Variants in PFKFB3 observed in about 807,000 individuals in gnomAD.
PFKFB3 encodes the protein 6-phosphofructo-2-kinase/fructose-2,6-bisphosphatase 3.
PFKFB3 carries 33 observed loss-of-function variants against 68.0 expected under a neutral mutation model. The observed-to-expected ratio is 0.49, with a 90% CI of 0.37 to 0.65. The LOEUF is 0.65. Ranked by LOEUF, PFKFB3 falls within the 30% of genes least tolerant of loss-of-function variation. The pLI, the probability that PFKFB3 is intolerant of heterozygous loss-of-function variation, is 0.00. For synonymous variants in PFKFB3, 315 were observed against 288.2 expected, an observed-to-expected ratio of 1.09 and a Z score of -0.94; for missense variants, 586 against 712.2, an observed-to-expected ratio of 0.82 and a Z score of 2.02.
chr10:6,300,691 T>G, the PFKFB3 span, among the ~76,000 whole-genome samples: 123,836 of 152,010 alleles, frequency 0.81, 51,432 homozygotes, highest in Non-Finnish European at 0.9. Context: ...CAGAAGCCCT[T>G]GCCTTAGCAA....
intron 14 of PFKFB3, among the ~76,000 whole-genome samples, chr10:6,248,373 C>G (rs979397841): frequency 4.6e-5 from 7 of 151,938 alleles, no homozygotes; most frequent in Non-Finnish European, 1.0e-4. Flanking sequence ...GCCTGTAATC[C>G]CAGCACTTTG....
At chr10:6,213,476 C>T (rs1844361439) in intron 1 of PFKFB3, 147 bp from the exon 2 acceptor site, 4 of 846,870 alleles carry the variant, frequency 4.7e-6, no homozygotes, top group Non-Finnish European at 1.8e-6. Flanking sequence ...TCATGGTGGC[C>T]ACCGTGCTCC....
intron 1 of PFKFB3, among the ~76,000 whole-genome samples, chr10:6,206,347 A>G (rs1256201382): frequency 4.3e-5 from 6 of 137,960 alleles, no homozygotes; most frequent in Non-Finnish European, 9.4e-5. Context: ...TCCCATGTCT[A>G]CTTCTTTCTA....
chr10:6,173,692 C>G (rs557052520), intron 1 of PFKFB3, among the ~76,000 whole-genome samples: 1 of 151,344 alleles, frequency 6.6e-6, no homozygotes, highest in Non-Finnish European at 1.5e-5. Flanking sequence ...TGCAGGAAGG[C>G]TTTTTTTGGG....
chr10:6,273,473 G>A, the PFKFB3 span, among the ~76,000 whole-genome samples: 1 of 152,104 alleles, frequency 6.6e-6, no homozygotes, highest in Non-Finnish European at 1.5e-5. Context: ...CAAACCTTGA[G>A]GGGGCTGTCG....
At chr10:6,158,851 C>T (rs1419025165) in intron 1 of PFKFB3, among the ~76,000 whole-genome samples, 1 of 146,624 alleles carries the variant, frequency 6.8e-6, no homozygotes, top group East Asian at 2.0e-4. Flanking sequence ...GCCTGGGTGA[C>T]AAAGCAAGAC....
intron 14 of PFKFB3, among the ~76,000 whole-genome samples, chr10:6,232,604 C>T (rs900359402): frequency 2.0e-5 from 3 of 152,128 alleles, no homozygotes; most frequent in African/African-American, 4.8e-5. Context: ...TGGTGCCCAG[C>T]GCCGCGCAGC....
chr10:6,158,162 G>A (rs369463829), intron 1 of PFKFB3, among the ~76,000 whole-genome samples: 1,647 of 152,062 alleles, frequency 0.011, 66 homozygotes, highest in East Asian at 0.1. Context: ...GGTGGCGGGC[G>A]CCTGTGGTCC....
Position 6,220,825 on chromosome 10 carries a change from G to T in PFKFB3, c.791G>T (p.Arg264Leu), listed in dbSNP as rs377041246. ...GAGAACGAGCACAACCTCCAGGGCC[G>T]CATCGGGGGCGACTCAGGCCTGTCC... ...HGENEHNLQG[R>L]IGGDSGLSSR... The change falls in exon 8 of 15, where the codon CGC (arginine) becomes CTC (leucine). Residue 264 changes from arginine to leucine, a missense_variant. Coordinates refer to ENST00000379775, the MANE Select transcript of PFKFB3 (RefSeq NM_004566.4). The surrounding 1 kb of genome is among the most constrained non-coding windows in gnomAD (Gnocchi z 4.1). 40 of 1,613,134 alleles carry T rather than the reference G, an allele frequency of 2.5e-5. No individual in the cohort carries two copies. Among genetic ancestry groups the T allele is most frequent in the Non-Finnish European group, 3.3e-5 (39 of 1,180,028 alleles).
chr10:6,255,017 A>G (rs535889657), downstream of PFKFB3, among the ~76,000 whole-genome samples: 1 of 151,376 alleles, frequency 6.6e-6, no homozygotes, highest in African/African-American at 2.4e-5. Flanking sequence ...GGGTTTTACC[A>G]CATTGGCCAG....
intron 1 of PFKFB3, among the ~76,000 whole-genome samples, chr10:6,188,323 A>G (rs1842928802): frequency 6.6e-6 from 1 of 151,638 alleles, no homozygotes; most frequent in Non-Finnish European, 1.5e-5. Flanking sequence ...CTTTACCTTT[A>G]GCAAAATCAA....
chr10:6,213,817 T>A (rs761763499), intron 2 of PFKFB3, 69 bp downstream of exon 2: 71 of 1,560,092 alleles, frequency 4.6e-5, no homozygotes, highest in Admixed American at 3.5e-5. Context: ...AGTTGCTGGT[T>A]TCACAGGCAG....
intron 1 of PFKFB3, among the ~76,000 whole-genome samples, chr10:6,212,699 T>C (rs1019874356): frequency 1.3e-5 from 2 of 152,350 alleles, no homozygotes; most frequent in Non-Finnish European, 2.9e-5. Context: ...AGGGCCTTGC[T>C]ATGTTGCCCA....
intron 14 of PFKFB3, among the ~76,000 whole-genome samples, chr10:6,243,313 C>G (rs1029193035): frequency 6.6e-6 from 1 of 152,192 alleles, no homozygotes; most frequent in Non-Finnish European, 1.5e-5. Flanking sequence ...TTTGTCAGTT[C>G]TGAGATTTGA....
At chr10:6,242,592 AT>A (rs377078975) in intron 14 of PFKFB3, among the ~76,000 whole-genome samples, 60,753 of 146,386 alleles carry the variant, frequency 0.42, 12,738 homozygotes, top group Non-Finnish European at 0.46. Context: ...TTCTGTAAAC[AT>A]TTTTTTTTTT....
chr10:6,225,009 G>C (rs1327720663), intron 13 of PFKFB3, among the ~76,000 whole-genome samples: 1 of 151,968 alleles, frequency 6.6e-6, no homozygotes, highest in Non-Finnish European at 1.5e-5. Context: ...AGGCGCTTCA[G>C]GAGACCTCGA....
the PFKFB3 span, among the ~76,000 whole-genome samples, chr10:6,300,372 G>A: frequency 3.9e-5 from 6 of 152,076 alleles, no homozygotes; most frequent in South Asian, 8.3e-4. Flanking sequence ...ATAAATACTT[G>A]TATTTATTGA....
Position 6,210,391 on chromosome 10 carries a change from C to T in PFKFB3, c.77-3232C>T, listed in dbSNP as rs572124091. Among the ~76,000 whole-genome samples, 10 of 66,222 alleles carry T rather than the reference C, an allele frequency of 1.5e-4. 1 individual carries two copies. The highest frequency in any genetic ancestry group is 1.5e-3 in the East Asian group (4 of 2,734). 43.4% of individuals were successfully genotyped at this position (66,222 alleles called of 152,430 possible). On this transcript the variant is annotated intron_variant, in intron 1 of 14. Transcript: ENST00000379775. ...TTTTTTTTTTTTTGAGACGAAGTTT[C>T]GCTCTGTCACCCAGGCTGGAGTGCA... is the stretch of plus-strand genomic sequence containing the variant.
the PFKFB3 span, among the ~76,000 whole-genome samples, chr10:6,268,168 A>T: frequency 6.6e-6 from 1 of 151,784 alleles, no homozygotes; most frequent in Non-Finnish European, 1.5e-5. Flanking sequence ...TTATGTTGAG[A>T]TTAGGTGTGG....
Sources: allele counts gnomAD v4.1 joint callset (sites outside exome capture counted in the v4.1 genomes callset), GRCh38; gene constraint gnomAD v4.1.1; non-coding constraint Gnocchi (gnomAD v3.1); transcripts MANE v1.5; gene names NCBI Gene and HGNC (gene_info 2026-07-23, HGNC 2026-07-21).